The following CPED1 variants were observed in gnomAD, a reference collection of about 807,000 sequenced individuals.
The protein encoded by CPED1 is cadherin like and PC-esterase domain containing 1.
A neutral mutation model predicts 128.2 loss-of-function variants in CPED1; 114 were observed. The observed-to-expected ratio is 0.89, with a 90% CI of 0.76 to 1.04. The LOEUF is 1.04. Ranked by LOEUF, CPED1 falls within the 50% of genes least tolerant of loss-of-function variation. The pLI is 0.00. For missense variants in CPED1, 1,211 were observed against 1,207.1 expected (o/e 1.00, Z -0.05); for synonymous variants, 462 against 426.7 (o/e 1.08, Z -1.02).
chr7:121,277,381 T>A (rs1482338197), intron 22 of CPED1, among the ~76,000 whole-genome samples: 1 of 152,068 alleles, frequency 6.6e-6, no homozygotes, highest in South Asian at 2.1e-4. Flanking sequence ...CTGGTAGGGA[T>A]GAGAGATGGC....
chr7:121,127,045 A>C (rs1333481960), intron 9 of CPED1, 45 bp from the exon 10 acceptor site: 13 of 1,394,536 alleles, frequency 9.3e-6, no homozygotes, highest in Non-Finnish European at 1.3e-5. Context: ...TTGTCTTAAA[A>C]GTAAATCGAT....
chr7:121,045,069 A>G (rs538855571), intron 3 of CPED1, among the ~76,000 whole-genome samples: 192 of 152,182 alleles, frequency 1.3e-3, no homozygotes, highest in Non-Finnish European at 2.6e-3. Context: ...GGGATGAAAA[A>G]GCCAGGTGCA....
intron 4 of CPED1, among the ~76,000 whole-genome samples, chr7:121,057,039 G>A (rs1279598472): frequency 3.3e-5 from 5 of 151,708 alleles, no homozygotes; most frequent in African/African-American, 7.3e-5. Context: ...GTGCAATGGC[G>A]CAATCTCGGC....
intron 4 of CPED1, among the ~76,000 whole-genome samples, chr7:121,055,274 T>A (rs1563007927): frequency 6.6e-6 from 1 of 152,146 alleles, no homozygotes; most frequent in Non-Finnish European, 1.5e-5. Flanking sequence ...AATTTAAAAA[T>A]TTTTAAAATG....
At chr7:121,141,062 G>T (rs774399906) in intron 15 of CPED1, 49 bp downstream of exon 15, 4 of 1,418,688 alleles carry the variant, frequency 2.8e-6, no homozygotes, top group Non-Finnish European at 3.8e-6. Flanking sequence ...CTGGGAAGTA[G>T]ACATTTGATG....
chr7:121,232,114 G>A (rs565502228), intron 16 of CPED1, among the ~76,000 whole-genome samples: 14 of 152,220 alleles, frequency 9.2e-5, no homozygotes, highest in African/African-American at 3.1e-4. Flanking sequence ...ACAAGAAGAA[G>A]TAAACTTCCT....
At chr7:121,086,521 TGA>T (rs1359721077) in intron 5 of CPED1, among the ~76,000 whole-genome samples, 1 of 152,224 alleles carries the variant, frequency 6.6e-6, no homozygotes, top group Non-Finnish European at 1.5e-5. Flanking sequence ...CAAAAAAATT[TGA>T]GTCTTATGTT....
intron 16 of CPED1, among the ~76,000 whole-genome samples, chr7:121,159,311 G>T (rs1008746685): frequency 1.3e-5 from 2 of 152,146 alleles, no homozygotes; most frequent in Admixed American, 6.5e-5. Context: ...TAAAACTCAA[G>T]TTTATTCAAA....
chr7:121,152,666 T>TA (rs1325686272), intron 16 of CPED1, among the ~76,000 whole-genome samples: 5 of 152,194 alleles, frequency 3.3e-5, no homozygotes, highest in Non-Finnish European at 5.9e-5. Flanking sequence ...ATGTATATTT[T>TA]AAAAGAGACA....
chr7:121,265,895 G>T (rs1792111619), intron 18 of CPED1, among the ~76,000 whole-genome samples: 1 of 152,022 alleles, frequency 6.6e-6, no homozygotes, highest in Non-Finnish European at 1.5e-5. Context: ...GCACTAAAAT[G>T]CTTCATGTCT....
At chr7:121,252,406 G>A (rs553061649) in intron 18 of CPED1, among the ~76,000 whole-genome samples, 4 of 151,622 alleles carry the variant, frequency 2.6e-5, no homozygotes, top group South Asian at 2.1e-4. Context: ...CATAGACATC[G>A]GCAAGGACTT....
At chr7:121,151,277 G>A (rs1416670726) in intron 16 of CPED1, among the ~76,000 whole-genome samples, 3 of 152,150 alleles carry the variant, frequency 2.0e-5, no homozygotes, top group Non-Finnish European at 4.4e-5. Context: ...TCAGAGGTAT[G>A]AAAAGTGCCA....
chr7:121,172,364 C>T (rs1409154504), intron 16 of CPED1, among the ~76,000 whole-genome samples: 3 of 151,146 alleles, frequency 2.0e-5, no homozygotes, highest in Non-Finnish European at 4.4e-5. Context: ...TTAACCCTGT[C>T]CTGACTGAAA....
intron 7 of CPED1, among the ~76,000 whole-genome samples, chr7:121,106,688 A>C (rs182130216): frequency 6.6e-6 from 1 of 152,052 alleles, no homozygotes; most frequent in Non-Finnish European, 1.5e-5. Flanking sequence ...TGGAGCCATC[A>C]AGGGAAGGTA....
rs564219607 is a variant in CPED1, at chr7:121,120,981, A to C, written c.919-3350A>C. On this transcript the variant is annotated intron_variant, in intron 7 of 22. Transcript: ENST00000310396. The stretch of plus-strand genomic sequence containing the variant: ...GTTCCTGACCTAAAAAAAAAAAAAA[A>C]AAAAAACAAAAAAACTCACAGTCTA... Among the ~76,000 whole-genome samples, 139 of 150,562 alleles carry C rather than the reference A, an allele frequency of 9.2e-4. 1 individual carries two copies. Among genetic ancestry groups the C allele is most frequent in the East Asian group, 3.1e-3 (16 of 5,146 alleles).
At position 121,136,088 on chromosome 7, in the gene CPED1, A is replaced by G. The variant is rs1239673596; in HGVS notation, c.1697A>G (p.Asp566Gly). 6.4e-7 allele frequency: 1 copy of G among 1,551,734 alleles called. No homozygotes were observed. Among genetic ancestry groups the G allele is most frequent in the Middle Eastern group, 1.7e-4 (1 of 5,888 alleles). The change falls in exon 14 of 23, where the codon GAT becomes GGT. Residue 566 changes from aspartate to glycine, a missense_variant and splice_region_variant. Asp to Gly is a moderately conservative substitution (Grantham distance 94). Transcript: ENST00000310396. ...KNENKEIHCS[D>G]DENTPCHIKQ... Reference sequence around the variant, plus strand: ...GAAAATAAAGAAATACATTGCAGTGATGGTGAGTTGAGATTAAAGTGTTGT... The same window carrying G: ...GAAAATAAAGAAATACATTGCAGTGGTGGTGAGTTGAGATTAAAGTGTTGT...
chr7:121,038,245 C>T (rs1014308160), intron 3 of CPED1, among the ~76,000 whole-genome samples: 1 of 151,978 alleles, frequency 6.6e-6, no homozygotes, highest in Non-Finnish European at 1.5e-5. Flanking sequence ...TCAACTTTTC[C>T]CCATCCAGTA....
intron 14 of CPED1, among the ~76,000 whole-genome samples, chr7:121,140,530 A>T (rs1407846343): frequency 6.6e-6 from 1 of 152,008 alleles, no homozygotes; most frequent in East Asian, 1.9e-4. Context: ...TCCACAGGAG[A>T]GACATTTTCC....
At chr7:121,014,537 G>A (rs1369916833) in intron 2 of CPED1, among the ~76,000 whole-genome samples, 4 of 130,392 alleles carry the variant, frequency 3.1e-5, no homozygotes, top group African/African-American at 8.4e-5. Flanking sequence ...GCGACAGAGC[G>A]AGACTTTGTC....
Sources: gnomAD v4.1 joint callset for allele counts (sites outside exome capture counted in the v4.1 genomes callset) on GRCh38, gnomAD v4.1.1 for gene constraint, MANE v1.5 for transcripts, NCBI Gene and HGNC (gene_info 2026-07-23, HGNC 2026-07-21) for gene names.